The following NSF variants were observed in gnomAD, a reference collection of about 807,000 sequenced individuals.
NSF encodes N-ethylmaleimide sensitive factor, vesicle fusing ATPase.
In NSF, 14 loss-of-function variants were observed where a neutral mutation model predicts 50.3. That is an observed-to-expected ratio of 0.28 (90% confidence interval 0.18 to 0.44). The LOEUF (loss-of-function observed/expected upper bound fraction) is 0.44, where lower values mean the gene tolerates loss of function less well. Among genes scored for constraint, NSF ranks in the 20% least tolerant of loss-of-function variants. The pLI is 1.00. For synonymous variants in NSF, 109 were observed against 175.7 expected, an observed-to-expected ratio of 0.62 and a Z score of 3.00; for missense variants, 218 against 504.3, an observed-to-expected ratio of 0.43 and a Z score of 5.44.
At chr17:46,725,028 T>A (rs2058872837) in intron 15 of NSF, among the ~76,000 whole-genome samples, 1 of 152,214 alleles carries the variant, frequency 6.6e-6, no homozygotes, top group Admixed American at 6.5e-5. Flanking sequence ...AGGCATTATA[T>A]TAAATGATAT....
chr17:46,742,112 T>G (rs1265680542), intron 17 of NSF, among the ~76,000 whole-genome samples: 2 of 152,234 alleles, frequency 1.3e-5, no homozygotes, highest in African/African-American at 4.8e-5. Context: ...TTATCTTTCC[T>G]CTGCTAGAGA....
intron 15 of NSF, among the ~76,000 whole-genome samples, chr17:46,718,530 T>C (rs1453319763): frequency 2.6e-5 from 4 of 152,180 alleles, no homozygotes; most frequent in East Asian, 1.9e-4. Context: ...TAACTAAAAA[T>C]TTAAAATTTA....
At chr17:46,724,443 C>G (rs527687327) in intron 15 of NSF, among the ~76,000 whole-genome samples, 7 of 152,232 alleles carry the variant, frequency 4.6e-5, no homozygotes, top group African/African-American at 1.7e-4. Context: ...CCATGATAGC[C>G]AAGGCAGGGA....
At position 46,755,787 on chromosome 17, in the gene NSF, G is replaced by C; in HGVS notation, c.2214-15G>C. The C allele has an allele frequency of 1.3e-6, 2 of 1,595,846 alleles. No individual in the cohort carries two copies. Among genetic ancestry groups the C allele is most frequent in the African/African-American group, 2.8e-5 (2 of 72,648 alleles). On this transcript the variant is annotated splice_polypyrimidine_tract_variant and intron_variant, in intron 20 of 20. Transcript: ENST00000398238. Reference sequence around the variant, plus strand: ...CCCTCATCTGTTTTTTTGTGTTTTGGTATTTCTTTTGCAGTAGCCCCCTTG... The same window carrying C: ...CCCTCATCTGTTTTTTTGTGTTTTGCTATTTCTTTTGCAGTAGCCCCCTTG...
chr17:46,747,472 G>T (rs898550721), intron 17 of NSF, among the ~76,000 whole-genome samples: 9 of 151,894 alleles, frequency 5.9e-5, no homozygotes, highest in African/African-American at 2.2e-4. Flanking sequence ...TTGAGATGAG[G>T]TTTCGCCATG....
chr17:46,595,735 C>T (rs958401226), intron 1 of NSF, among the ~76,000 whole-genome samples: 3 of 118,894 alleles, frequency 2.5e-5, no homozygotes, highest in Admixed American at 9.1e-5. Flanking sequence ...GGTGATCCAC[C>T]CGCCTTGGCC....
Position 46,691,972 on chromosome 17 carries a change from C to T in NSF, c.946-931C>T, listed in dbSNP as rs539146111. Among the ~76,000 whole-genome samples, 88 of 149,948 alleles carry T rather than the reference C, an allele frequency of 5.9e-4. No individual in the cohort carries two copies. The East Asian group carries it at 0.015, about 26-fold the overall frequency. On this transcript the variant is annotated intron_variant, in intron 9 of 20. Transcript: ENST00000398238. ...TTCACCATGTTGGCCAGGCTGGTCT[C>T]GAACTCCTGACCTAAGTTGATCCAT... is the stretch of plus-strand genomic sequence containing the variant.
chr17:46,697,354 G>T (rs1280056895), intron 12 of NSF, among the ~76,000 whole-genome samples: 1 of 146,286 alleles, frequency 6.8e-6, no homozygotes, highest in African/African-American at 2.6e-5. Flanking sequence ...GGGACTACAG[G>T]CATGTGCCAC....
chr17:46,726,854 T>G (rs2058894726), intron 16 of NSF, among the ~76,000 whole-genome samples: 1 of 152,238 alleles, frequency 6.6e-6, no homozygotes, highest in Admixed American at 6.5e-5. Flanking sequence ...GGCCCATGTC[T>G]CATTTTGTAT....
At chr17:46,717,415 A>G (rs2058783740) in intron 15 of NSF, among the ~76,000 whole-genome samples, 1 of 152,002 alleles carries the variant, frequency 6.6e-6, no homozygotes, top group African/African-American at 2.4e-5. Context: ...TAAATTAACT[A>G]TACTTAAAAA....
In NSF at chr17:46,719,093, A is replaced by G. The variant is rs1052326111; in HGVS notation, c.1761+5107A>G. ...ATTCTCACCCGTACTTGATATTATT[A>G]AAATATTTTTTGCCAGTTGGATAAG... On this transcript the variant is annotated intron_variant, in intron 15 of 20. Transcript: ENST00000398238. The surrounding 1 kb of genome is among the most constrained non-coding windows in gnomAD (Gnocchi z 4.3). 2.0e-5 allele frequency among the ~76,000 whole-genome samples: 3 copies of G among 152,220 alleles called. No homozygotes were observed. Among genetic ancestry groups the G allele is most frequent in the African/African-American group, 7.2e-5 (3 of 41,464 alleles).
intron 11 of NSF, 66 bp from the exon 12 acceptor site, chr17:46,694,409 T>C (rs1221062125): frequency 3.6e-6 from 4 of 1,106,094 alleles, no homozygotes; most frequent in African/African-American, 3.9e-5. Flanking sequence ...ATAATAATAA[T>C]GATAATCTCC....
intron 17 of NSF, among the ~76,000 whole-genome samples, chr17:46,743,664 A>G (rs750721017): frequency 5.9e-5 from 9 of 152,130 alleles, no homozygotes; most frequent in Non-Finnish European, 1.3e-4. Context: ...ACTGGTTAAA[A>G]GGTGCAGCAT....
At chr17:46,726,137 A>G (rs750237097) in intron 15 of NSF, among the ~76,000 whole-genome samples, 58 of 152,320 alleles carry the variant, frequency 3.8e-4, no homozygotes, top group Middle Eastern at 3.4e-3. Flanking sequence ...TTTCAGTGTT[A>G]CTTTTGCTTA....
chr17:46,751,678 G>T (rs1218909985), intron 19 of NSF, 62 bp downstream of exon 19: 3 of 938,722 alleles, frequency 3.2e-6, no homozygotes, highest in Admixed American at 5.1e-5. Flanking sequence ...CACCAAGAGG[G>T]TTCAGTATTT....
chr17:46,721,841 C>T (rs888481337), intron 15 of NSF: 26 of 1,589,206 alleles, frequency 1.6e-5, no homozygotes, highest in South Asian at 2.2e-5. Context: ...ATTTTTTGTA[C>T]GGCTTTTTCG....
chr17:46,649,339 C>G (rs1044943674), intron 8 of NSF, among the ~76,000 whole-genome samples: 1 of 150,712 alleles, frequency 6.6e-6, no homozygotes, highest in Non-Finnish European at 1.5e-5. Context: ...TGTAAGTAGT[C>G]TGCCCTTCAA....
chr17:46,681,140 T>C (rs1210140195), intron 9 of NSF, among the ~76,000 whole-genome samples: 1 of 144,940 alleles, frequency 6.9e-6, no homozygotes, highest in African/African-American at 2.5e-5. Context: ...CTATTTGTAA[T>C]AGAGGAAAAA....
At chr17:46,728,062 G>T (rs2058909406) in intron 16 of NSF, among the ~76,000 whole-genome samples, 1 of 152,036 alleles carries the variant, frequency 6.6e-6, no homozygotes, top group African/African-American at 2.4e-5. Context: ...AAAATGGAGG[G>T]ATCAGTTTTG....
Sources: gnomAD v4.1 joint callset for allele counts (sites outside exome capture counted in the v4.1 genomes callset) on GRCh38, gnomAD v4.1.1 for gene constraint, Gnocchi (gnomAD v3.1) non-coding constraint, MANE v1.5 for transcripts, NCBI Gene and HGNC (gene_info 2026-07-23, HGNC 2026-07-21) for gene names.